Variants in TAF3 observed in about 807,000 individuals in gnomAD.
TAF3 encodes transcription initiation factor TFIID subunit 3.
A neutral mutation model predicts 80.6 loss-of-function variants in TAF3; 7 were observed. The ratio of observed to expected loss-of-function variants is 0.09; its 90% CI spans 0.05 to 0.16. TAF3 has a LOEUF of 0.16. Ranked by LOEUF, TAF3 falls within the 10% of genes least tolerant of loss-of-function variation. TAF3 has a pLI of 1.00. For synonymous variants in TAF3, 444 were observed against 446.1 expected (o/e 1.00, Z 0.06); for missense variants, 921 against 1,140.2 (o/e 0.81, Z 2.77).
chr10:7,858,037 G>A lies in TAF3; in HGVS notation c.409+33477G>A, dbSNP rs112606136. On this transcript the variant is annotated intron_variant, in intron 2 of 6. Coordinates refer to ENST00000344293, the MANE Select transcript of TAF3 (RefSeq NM_031923.4). ...TTATGGAGTTGACAGCTTACAAAGA[G>A]GTTTGAACGGCCTCAGTAGAATATT... Among the ~76,000 whole-genome samples, 1,083 of 151,760 alleles carry A rather than the reference G, an allele frequency of 7.1e-3. 18 individuals are homozygous for A. The highest frequency in any genetic ancestry group is 0.025 in the African/African-American group (1,045 of 41,370).
intron 1 of TAF3, among the ~76,000 whole-genome samples, chr10:7,819,229 C>T (rs1214457983): frequency 1.3e-5 from 2 of 152,064 alleles, no homozygotes; most frequent in Non-Finnish European, 2.9e-5. Flanking sequence ...CCCTCTTTTA[C>T]CTCGGTCCTT....
At chr10:7,830,473 C>CTTT (rs1176707860) in intron 2 of TAF3, among the ~76,000 whole-genome samples, 4,395 of 57,698 alleles carry the variant, frequency 0.076, 1,448 homozygotes, top group Admixed American at 0.099. Flanking sequence ...CTTTACATGT[C>CTTT]TTTTTTTTTT....
intron 4 of TAF3, among the ~76,000 whole-genome samples, chr10:7,984,029 C>CA (rs1177896672): frequency 3.3e-5 from 5 of 151,982 alleles, no homozygotes; most frequent in Admixed American, 3.3e-4. Context: ...CAGTGAAATT[C>CA]CTAGGCTCTG....
At chr10:7,858,231 A>G (rs1490961151) in intron 2 of TAF3, among the ~76,000 whole-genome samples, 1 of 152,222 alleles carries the variant, frequency 6.6e-6, no homozygotes, top group Non-Finnish European at 1.5e-5. Context: ...TTGTGATAGA[A>G]TATAAGATCC....
intron 2 of TAF3, among the ~76,000 whole-genome samples, chr10:7,881,127 T>C (rs1837356968): frequency 6.6e-6 from 1 of 151,938 alleles, no homozygotes; most frequent in African/African-American, 2.4e-5. Context: ...TCCCAGCTAC[T>C]TGGGAGGCTG....
Position 8,016,348 on chromosome 10 carries a change from G to C in TAF3, c.*1597G>C, listed in dbSNP as rs1832104444. ...AACATTATGTGGTTAGAGAAATGCGGTTTTCTGCCATGAATGTTAAGTTGC... is the reference window on the plus strand; with the variant it reads ...AACATTATGTGGTTAGAGAAATGCGCTTTTCTGCCATGAATGTTAAGTTGC... On this transcript the variant is annotated 3_prime_UTR_variant, in exon 7 of 7. Transcript: ENST00000344293. 6.6e-6 allele frequency: 1 copy of C among 152,172 alleles called. No homozygotes were observed. The highest frequency in any genetic ancestry group is 2.4e-5 in the African/African-American group (1 of 41,418). 9.4% of individuals were successfully genotyped at this position (152,172 alleles called of 1,614,324 possible).
intron 2 of TAF3, among the ~76,000 whole-genome samples, chr10:7,863,556 G>A (rs771375897): frequency 7.0e-6 from 1 of 142,068 alleles, no homozygotes; most frequent in Non-Finnish European, 1.5e-5. Flanking sequence ...GTTGCAGCGA[G>A]CTGAGATCGC....
chr10:8,009,463 CAG>C lies in TAF3; in HGVS notation c.2568+134_2568+135del. 1 of 1,307,180 alleles carries C rather than the reference CAG, an allele frequency of 7.7e-7. No individual in the cohort carries two copies. Among genetic ancestry groups the C allele is most frequent in the South Asian group, 1.4e-5 (1 of 72,924 alleles). The allele number at this position is 1,307,180 out of a possible 1,614,324, so 81.0% of individuals were successfully genotyped here. The stretch of plus-strand genomic sequence containing the variant: ...ATTATTTACTTAATTATTTTTGAGA[CAG>C]GGTCTCCCTGTGTGGCTCAGGCTGG... On this transcript the variant is annotated intron_variant, in intron 5 of 6. Coordinates refer to ENST00000344293, the MANE Select transcript of TAF3 (RefSeq NM_031923.4). The surrounding 1 kb of genome is among the most constrained non-coding windows in gnomAD (Gnocchi z 4.1).
intron 2 of TAF3, among the ~76,000 whole-genome samples, chr10:7,908,557 AC>A (rs1328609460): frequency 6.6e-6 from 1 of 152,042 alleles, no homozygotes; most frequent in East Asian, 1.9e-4. Flanking sequence ...CACCGTCCCC[AC>A]CCTCATACCC....
Position 8,015,917 on chromosome 10 carries a change from A to T in TAF3, c.*1166A>T, listed in dbSNP as rs1004174491. ...TAGCATTTTGTCTTTATATTGTTTT[A>T]TTTCTACAAATCTGTTCATTAATAT... is the stretch of plus-strand genomic sequence containing the variant. On this transcript the variant is annotated 3_prime_UTR_variant, in exon 7 of 7. Transcript: ENST00000344293. The T allele has an allele frequency of 6.6e-6, 1 of 151,588 alleles. No homozygotes were observed. The highest frequency in any genetic ancestry group is 1.5e-5 in the Non-Finnish European group (1 of 67,926). The allele number at this position is 151,588 out of a possible 1,614,324, so 9.4% of individuals were successfully genotyped here.
intron 2 of TAF3, among the ~76,000 whole-genome samples, chr10:7,895,634 G>C (rs1837497336): frequency 6.6e-6 from 1 of 152,128 alleles, no homozygotes; most frequent in African/African-American, 2.4e-5. Context: ...GTTGAGTCTT[G>C]GGAAATTGGG....
intron 2 of TAF3, among the ~76,000 whole-genome samples, chr10:7,919,324 A>G (rs1837741428): frequency 6.6e-6 from 1 of 152,120 alleles, no homozygotes; most frequent in Non-Finnish European, 1.5e-5. Flanking sequence ...TGTGATGGTG[A>G]AGTGGACAGT....
intron 4 of TAF3, among the ~76,000 whole-genome samples, chr10:8,003,436 A>C (rs1314773264): frequency 6.6e-6 from 1 of 152,226 alleles, no homozygotes; most frequent in Non-Finnish European, 1.5e-5. Flanking sequence ...TTATGTAAAC[A>C]CTTGGAAGAT....
chr10:7,882,271 A>G (rs1043319083), intron 2 of TAF3, among the ~76,000 whole-genome samples: 4 of 152,218 alleles, frequency 2.6e-5, no homozygotes, highest in Non-Finnish European at 4.4e-5. Flanking sequence ...GTTTTGGTCA[A>G]TCTAACGTGT....
At chr10:7,979,542 A>G (rs758797673) in intron 4 of TAF3, among the ~76,000 whole-genome samples, 5 of 152,176 alleles carry the variant, frequency 3.3e-5, no homozygotes, top group Non-Finnish European at 7.4e-5. Flanking sequence ...GGAAATTATA[A>G]CACCCAGGTA....
intron 3 of TAF3, among the ~76,000 whole-genome samples, chr10:7,971,436 A>G (rs1481898538): frequency 6.7e-6 from 1 of 148,710 alleles, no homozygotes; most frequent in Non-Finnish European, 1.5e-5. Flanking sequence ...TACCCTAGCT[A>G]GTATACATAT....
intron 2 of TAF3, among the ~76,000 whole-genome samples, chr10:7,924,801 A>C (rs553937866): frequency 6.6e-6 from 1 of 152,132 alleles, no homozygotes; most frequent in South Asian, 2.1e-4. Flanking sequence ...AAACTTAAAG[A>C]AAAACCCCTA....
At position 7,964,807 on chromosome 10, in the gene TAF3, A is replaced by G; in HGVS notation, c.1297A>G (p.Thr433Ala). 3 of 1,614,048 alleles carry G rather than the reference A, an allele frequency of 1.9e-6. No homozygotes were observed. Among genetic ancestry groups the G allele is most frequent in the East Asian group, 4.5e-5 (2 of 44,872 alleles). The stretch of plus-strand genomic sequence containing the variant: ...GAGAATTTCAGGCCCGGAGTGTACT[A>G]CTCCCAAAGCTTCCACTTCCGCGAA... ...PKRISGPECT[T>A]PKASTSANNF... Residue 433 changes from threonine to alanine, a missense_variant, in exon 3 of 7, where the codon ACT becomes GCT. Coordinates refer to ENST00000344293, the MANE Select transcript of TAF3 (RefSeq NM_031923.4). The surrounding 1 kb of genome is among the most constrained non-coding windows in gnomAD (Gnocchi z 4.1).
chr10:7,912,054 A>T (rs942754908), intron 2 of TAF3, among the ~76,000 whole-genome samples: 1 of 152,158 alleles, frequency 6.6e-6, no homozygotes, highest in Non-Finnish European at 1.5e-5. Context: ...TATTGCTTTT[A>T]TGTCATTGTA....
Sources: allele counts gnomAD v4.1 joint callset (sites outside exome capture counted in the v4.1 genomes callset), GRCh38; gene constraint gnomAD v4.1.1; non-coding constraint Gnocchi (gnomAD v3.1); transcripts MANE v1.5; gene names NCBI Gene and HGNC (gene_info 2026-07-23, HGNC 2026-07-21).